Variants in MAGI3 observed in about 807,000 individuals in gnomAD.
MAGI3 encodes membrane-associated guanylate kinase, WW and PDZ domain-containing protein 3.
MAGI3 carries 43 observed loss-of-function variants against 121.8 expected under a neutral mutation model. The observed-to-expected ratio is 0.35, with a 90% CI of 0.28 to 0.46. The LOEUF (loss-of-function observed/expected upper bound fraction) is 0.46. Ranked by LOEUF, MAGI3 falls within the 20% of genes least tolerant of loss-of-function variation. The pLI, the probability that MAGI3 is intolerant of heterozygous loss-of-function variation, is 1.00. For synonymous variants in MAGI3, 553 were observed against 639.3 expected (o/e 0.86, Z 2.04); for missense variants, 1,547 against 1,797.3 (o/e 0.86, Z 2.52).
intron 1 of MAGI3, among the ~76,000 whole-genome samples, chr1:113,511,794 A>C (rs143522504): frequency 6.6e-6 from 1 of 152,338 alleles, no homozygotes; most frequent in East Asian, 1.9e-4. Context: ...AATTTCTAAG[A>C]TAGGACATTT....
intron 1 of MAGI3, among the ~76,000 whole-genome samples, chr1:113,537,871 T>G (rs1171379719): frequency 6.6e-6 from 1 of 152,212 alleles, no homozygotes; most frequent in Non-Finnish European, 1.5e-5. Context: ...AAAAATATTT[T>G]AAATGTGTTA....
rs571768731 is a variant in MAGI3 at position 113,452,654 on chromosome 1, G to GA, written c.316+61311dup. On this transcript the variant is annotated intron_variant, in intron 1 of 20. Transcript: ENST00000307546. ...ACTACTTTAAAATATTTTATAGTGGGAAAAAACCCCACAAATGCAGTTGTT... is the reference window on the plus strand; with the variant it reads ...ACTACTTTAAAATATTTTATAGTGGGAAAAAAACCCCACAAATGCAGTTGTT... 1.2e-3 allele frequency among the ~76,000 whole-genome samples: 188 copies of GA among 152,140 alleles called. 1 individual carries two copies. The highest frequency in any genetic ancestry group is 4.2e-3 in the African/African-American group (175 of 41,530).
At chr1:113,430,187 G>C (rs977488523) in intron 1 of MAGI3, among the ~76,000 whole-genome samples, 1 of 152,234 alleles carries the variant, frequency 6.6e-6, no homozygotes, top group African/African-American at 2.4e-5. Context: ...TATCAGAGTG[G>C]AGTCTATGAA....
intron 1 of MAGI3, among the ~76,000 whole-genome samples, chr1:113,403,268 A>G (rs558859052): frequency 1.6e-4 from 25 of 152,052 alleles, no homozygotes; most frequent in Admixed American, 6.6e-4. Flanking sequence ...TGTAGCTGTG[A>G]TCCAGGTGAT....
intron 6 of MAGI3, among the ~76,000 whole-genome samples, chr1:113,610,499 C>T (rs1388607239): frequency 1.3e-5 from 2 of 152,066 alleles, no homozygotes; most frequent in African/African-American, 2.4e-5. Flanking sequence ...CGGGTTCATA[C>T]GGCCAAGAGC....
At chr1:113,474,046 T>C (rs562402957) in intron 1 of MAGI3, among the ~76,000 whole-genome samples, 18 of 152,360 alleles carry the variant, frequency 1.2e-4, no homozygotes, top group Admixed American at 1.1e-3. Flanking sequence ...CATGTGTCTG[T>C]TGGGTGCATA....
intron 19 of MAGI3, among the ~76,000 whole-genome samples, chr1:113,675,408 T>G (rs749001652): frequency 6.6e-6 from 1 of 152,306 alleles, no homozygotes; most frequent in East Asian, 1.9e-4. Flanking sequence ...CCATCTGTAC[T>G]ACGAAAACCA....
At chr1:113,561,453 G>A (rs1194416327) in intron 2 of MAGI3, among the ~76,000 whole-genome samples, 1 of 152,138 alleles carries the variant, frequency 6.6e-6, no homozygotes, top group Non-Finnish European at 1.5e-5. Flanking sequence ...ATGCAAGGCT[G>A]GTTCAACATA....
chr1:113,617,552 T>G (rs1173196028), intron 7 of MAGI3, among the ~76,000 whole-genome samples: 1 of 152,202 alleles, frequency 6.6e-6, no homozygotes, highest in African/African-American at 2.4e-5. Flanking sequence ...GTCAAATTTT[T>G]AGGAAAAGGA....
At chr1:113,523,906 G>A (rs1658324097) in intron 1 of MAGI3, among the ~76,000 whole-genome samples, 1 of 152,132 alleles carries the variant, frequency 6.6e-6, no homozygotes, top group African/African-American at 2.4e-5. Flanking sequence ...TCACAGGCCT[G>A]GAGACCGAGG....
intron 1 of MAGI3, among the ~76,000 whole-genome samples, chr1:113,472,958 T>C (rs1447455987): frequency 6.6e-6 from 1 of 152,256 alleles, no homozygotes; most frequent in African/African-American, 2.4e-5. Context: ...TAATACATTT[T>C]AAACTTTTAT....
intron 4 of MAGI3, among the ~76,000 whole-genome samples, chr1:113,586,469 CATTG>C (rs1047232280): frequency 3.3e-5 from 5 of 152,084 alleles, no homozygotes; most frequent in African/African-American, 1.2e-4. Context: ...TTAATACATT[CATTG>C]TTTATGTCCC....
At chr1:113,584,904 C>T (rs12753075) in intron 3 of MAGI3, among the ~76,000 whole-genome samples, 36,473 of 150,826 alleles carry the variant, frequency 0.24, 4,874 homozygotes, top group South Asian at 0.39. Context: ...TTTCTGCTCT[C>T]TCTTCTCGTA....
chr1:113,661,483 A>G (rs190732258), intron 16 of MAGI3, among the ~76,000 whole-genome samples: 50 of 152,312 alleles, frequency 3.3e-4, no homozygotes, highest in Admixed American at 2.7e-3. Flanking sequence ...CTCAATATCT[A>G]TGTATCTCGT....
chr1:113,514,277 A>G (rs1213261981), intron 1 of MAGI3, among the ~76,000 whole-genome samples: 1 of 151,988 alleles, frequency 6.6e-6, no homozygotes, highest in African/African-American at 2.4e-5. Context: ...ATTACTGGGT[A>G]TATACCCAAA....
intron 12 of MAGI3, among the ~76,000 whole-genome samples, chr1:113,648,660 C>G (rs1390123678): frequency 1.3e-5 from 2 of 152,060 alleles, no homozygotes; most frequent in African/African-American, 4.8e-5. Context: ...CTTACTTACA[C>G]CCTCAGTTTT....
chr1:113,392,388 G>A (rs183589160), intron 1 of MAGI3, among the ~76,000 whole-genome samples: 23 of 152,298 alleles, frequency 1.5e-4, no homozygotes, highest in African/African-American at 5.5e-4. Context: ...ATTGTTACCT[G>A]GGCTAGGTAG....
At chr1:113,478,343 T>G (rs1655950565) in intron 1 of MAGI3, among the ~76,000 whole-genome samples, 1 of 152,232 alleles carries the variant, frequency 6.6e-6, no homozygotes, top group African/African-American at 2.4e-5. Flanking sequence ...TTTTCCACTC[T>G]GGTTTCTCCT....
chr1:113,585,277 A>T (rs886533651), intron 3 of MAGI3, 110 bp from the exon 4 acceptor site: 5 of 984,208 alleles, frequency 5.1e-6, no homozygotes, highest in Admixed American at 2.3e-5. Flanking sequence ...CCTATGGTAG[A>T]TATTTCAAAA....
Sources: allele counts gnomAD v4.1 joint callset (sites outside exome capture counted in the v4.1 genomes callset), GRCh38; gene constraint gnomAD v4.1.1; transcripts MANE v1.5; gene names NCBI Gene and HGNC (gene_info 2026-07-23, HGNC 2026-07-21).